HMGCLL1: variants seen among roughly 807,000 people sequenced by gnomAD.
The protein encoded by HMGCLL1 is 3-hydroxymethyl-3-methylglutaryl-CoA lyase, cytoplasmic.
A neutral mutation model predicts 39.1 loss-of-function variants in HMGCLL1; 36 were observed. The ratio of observed to expected loss-of-function variants is 0.92; its 90% CI spans 0.71 to 1.22. HMGCLL1 has a LOEUF of 1.22. HMGCLL1 is among the 50% of genes most tolerant of loss of function. HMGCLL1 has a pLI of 0.00. For synonymous variants in HMGCLL1, 149 were observed against 144.0 expected, an observed-to-expected ratio of 1.03 and a Z score of -0.25; for missense variants, 451 against 416.5, an observed-to-expected ratio of 1.08 and a Z score of -0.72.
At chr6:55,501,620 C>A (rs941064865) in intron 5 of HMGCLL1, among the ~76,000 whole-genome samples, 2 of 151,854 alleles carry the variant, frequency 1.3e-5, no homozygotes, top group African/African-American at 4.8e-5. Context: ...TGGTTCTCAA[C>A]CTTGGCTGCA....
At chr6:55,655,285 C>T in the HMGCLL1 span, among the ~76,000 whole-genome samples, 2 of 151,906 alleles carry the variant, frequency 1.3e-5, no homozygotes, top group Non-Finnish European at 2.9e-5. Flanking sequence ...TCAATTTACT[C>T]ACCAAACCTA....
At chr6:55,447,517 T>C (rs893068565) in intron 7 of HMGCLL1, among the ~76,000 whole-genome samples, 1 of 152,034 alleles carries the variant, frequency 6.6e-6, no homozygotes. Context: ...AGGAGATAGA[T>C]TATATTTCTA....
intron 7 of HMGCLL1, among the ~76,000 whole-genome samples, chr6:55,443,523 A>G (rs959130318): frequency 1.3e-5 from 2 of 152,062 alleles, no homozygotes; most frequent in Non-Finnish European, 2.9e-5. Flanking sequence ...TGAGGAAACA[A>G]CAGTCATTCT....
At chr6:55,586,835 G>A in the HMGCLL1 span, among the ~76,000 whole-genome samples, 1 of 152,030 alleles carries the variant, frequency 6.6e-6, no homozygotes, top group African/African-American at 2.4e-5. Context: ...TTGCTATTAT[G>A]AATAGTGCTG....
At chr6:55,597,061 A>G in the HMGCLL1 span, among the ~76,000 whole-genome samples, 1 of 123,158 alleles carries the variant, frequency 8.1e-6, no homozygotes, top group South Asian at 2.8e-4. Context: ...CAGCAACCAA[A>G]TATGTGTATC....
At chr6:55,534,310 C>T (rs537692091) in intron 3 of HMGCLL1, among the ~76,000 whole-genome samples, 86 of 152,192 alleles carry the variant, frequency 5.7e-4, no homozygotes, top group African/African-American at 2.0e-3. Flanking sequence ...TTTCCCCTCC[C>T]ACTTGCTCTT....
chr6:55,526,084 T>G (rs1288898108), intron 3 of HMGCLL1, among the ~76,000 whole-genome samples: 1 of 151,878 alleles, frequency 6.6e-6, no homozygotes, highest in Non-Finnish European at 1.5e-5. Context: ...ATCATCTTCT[T>G]ACTACTGAGA....
intron 3 of HMGCLL1, 136 bp from the exon 4 acceptor site, chr6:55,516,739 G>A (rs1767761798): frequency 1.0e-5 from 5 of 500,672 alleles, no homozygotes; most frequent in Non-Finnish European, 1.4e-5. Context: ...AAAAATGCCA[G>A]TGAATGTAAA....
At position 55,579,107 on chromosome 6, in the gene HMGCLL1, A is replaced by C; in HGVS notation, c.-52T>G. 7.3e-7 allele frequency: 1 copy of C among 1,370,234 alleles called. No individual in the cohort carries two copies. Among genetic ancestry groups the C allele is most frequent in the South Asian group, 1.2e-5 (1 of 82,424 alleles). 84.9% of individuals were successfully genotyped at this position (1,370,234 alleles called of 1,614,324 possible). A position where few individuals can be genotyped will look rare whatever the true frequency, so the allele number is the denominator to read the frequency against. ...AGGGGAGGGAGACTGGAGGAGGATG[A>C]GGGGCGGGCACCGCGCTGGGAAACT... On this transcript the variant is annotated 5_prime_UTR_variant, in exon 1 of 9. Transcript: ENST00000274901.
the HMGCLL1 span, among the ~76,000 whole-genome samples, chr6:55,586,164 C>T: frequency 6.6e-6 from 1 of 151,938 alleles, no homozygotes. Flanking sequence ...TAAAATAGGC[C>T]AGTATGTTGA....
At chr6:55,480,011 TGA>T (rs1232755381) in intron 7 of HMGCLL1, among the ~76,000 whole-genome samples, 5 of 151,654 alleles carry the variant, frequency 3.3e-5, no homozygotes, top group Non-Finnish European at 7.4e-5. Flanking sequence ...GTTAAAGAAG[TGA>T]GAGAGTTTCC....
At chr6:55,670,966 A>G in the HMGCLL1 span, among the ~76,000 whole-genome samples, 1 of 151,858 alleles carries the variant, frequency 6.6e-6, no homozygotes, top group Non-Finnish European at 1.5e-5. Context: ...AAGGAAATCA[A>G]AGAAAGCTAT....
intron 5 of HMGCLL1, among the ~76,000 whole-genome samples, chr6:55,510,004 CTT>C (rs1394387753): frequency 6.6e-6 from 1 of 151,750 alleles, no homozygotes; most frequent in Non-Finnish European, 1.5e-5. Context: ...TGACAATTGT[CTT>C]TGTTTTTCTG....
chr6:55,665,230 C>A, the HMGCLL1 span, among the ~76,000 whole-genome samples: 3 of 151,502 alleles, frequency 2.0e-5, no homozygotes, highest in East Asian at 5.8e-4. Flanking sequence ...CAGGGGCAAA[C>A]TTTTTGTTGT....
intron 1 of HMGCLL1, among the ~76,000 whole-genome samples, chr6:55,564,912 A>T (rs111444357): frequency 3.1e-4 from 47 of 152,068 alleles, no homozygotes; most frequent in African/African-American, 1.1e-3. Context: ...AAAGTGATTC[A>T]TTCAGGTTTT....
chr6:55,458,410 A>C (rs1215053475), intron 7 of HMGCLL1, among the ~76,000 whole-genome samples: 2 of 152,200 alleles, frequency 1.3e-5, no homozygotes, highest in African/African-American at 4.8e-5. Context: ...TGTGTGACTC[A>C]AGGTGGGTTA....
the HMGCLL1 span, among the ~76,000 whole-genome samples, chr6:55,652,085 T>A: frequency 6.6e-6 from 1 of 152,056 alleles, no homozygotes; most frequent in Non-Finnish European, 1.5e-5. Flanking sequence ...TCGTTCTTAG[T>A]CCTTTTCTAT....
chr6:55,504,883 T>A (rs1445198106), intron 5 of HMGCLL1, among the ~76,000 whole-genome samples: 1 of 151,664 alleles, frequency 6.6e-6, no homozygotes, highest in Non-Finnish European at 1.5e-5. Context: ...ATTTATGTTC[T>A]AAATCCTGTA....
the HMGCLL1 span, among the ~76,000 whole-genome samples, chr6:55,630,398 C>T: frequency 6.6e-6 from 1 of 152,006 alleles, no homozygotes; most frequent in Non-Finnish European, 1.5e-5. Context: ...AACTAACTTG[C>T]TTTTGACTTT....
Sources: gnomAD v4.1 joint callset for allele counts (sites outside exome capture counted in the v4.1 genomes callset) on GRCh38, gnomAD v4.1.1 for gene constraint, MANE v1.5 for transcripts, NCBI Gene and HGNC (gene_info 2026-07-23, HGNC 2026-07-21) for gene names.